Variants in ISM1 observed in about 807,000 individuals in gnomAD.
ISM1 encodes isthmin-1.
Under a neutral mutation model 46.3 loss-of-function variants are expected in ISM1, and 25 were observed. The observed-to-expected ratio is 0.54, with a 90% confidence interval of 0.39 to 0.75. The LOEUF (loss-of-function observed/expected upper bound fraction) is 0.75. Among genes scored for constraint, ISM1 ranks in the 30% least tolerant of loss-of-function variants. ISM1 has a pLI of 0.00. For missense variants in ISM1, 536 were observed against 625.4 expected (o/e 0.86, Z 1.52); for synonymous variants, 255 against 256.7 (o/e 0.99, Z 0.06).
At chr20:13,322,866 C>T in the ISM1 span, among the ~76,000 whole-genome samples, 1 of 152,168 alleles carries the variant, frequency 6.6e-6, no homozygotes, top group Non-Finnish European at 1.5e-5. Context: ...AAGCTCACAC[C>T]TCTCCCCACC....
intron 3 of ISM1, among the ~76,000 whole-genome samples, chr20:13,287,625 C>G (rs184346633): frequency 7.9e-5 from 12 of 152,152 alleles, no homozygotes; most frequent in Non-Finnish European, 1.8e-4. Context: ...TCTCTTTTCT[C>G]ACTAAAATAT....
At chr20:13,292,593 A>C (rs1212030933) in intron 5 of ISM1, 130 bp downstream of exon 5, 1 of 651,744 alleles carries the variant, frequency 1.5e-6, no homozygotes, top group Non-Finnish European at 2.7e-6. Flanking sequence ...TGCTCCCAGC[A>C]TGTGTCTTGC....
At chr20:13,276,503 G>C (rs1022684810) in intron 2 of ISM1, among the ~76,000 whole-genome samples, 5 of 152,288 alleles carry the variant, frequency 3.3e-5, no homozygotes, top group African/African-American at 9.6e-5. Flanking sequence ...CTTGGAGCTG[G>C]GGAGATTGTG....
At chr20:13,242,594 T>C (rs1397167344) in intron 1 of ISM1, among the ~76,000 whole-genome samples, 1 of 152,136 alleles carries the variant, frequency 6.6e-6, no homozygotes, top group Non-Finnish European at 1.5e-5. Context: ...GAGAGCCTGG[T>C]CTCTTGATGG....
chr20:13,304,043 G>A (rs755625352), downstream of ISM1, among the ~76,000 whole-genome samples: 1 of 152,172 alleles, frequency 6.6e-6, no homozygotes, highest in Non-Finnish European at 1.5e-5. Context: ...CACCATCAAG[G>A]TATGACTTTC....
the ISM1 span, among the ~76,000 whole-genome samples, chr20:13,308,008 T>A: frequency 6.4e-4 from 97 of 152,320 alleles, no homozygotes; most frequent in African/African-American, 2.3e-3. Context: ...TCCAAAGTGG[T>A]TGTCCTGGTG....
chr20:13,221,809 GCT>G lies in ISM1; in HGVS notation c.34_35del (p.Leu12GlyfsTer36). ...VRLAAELLLLLGLLLLTLHIT... is the reference protein window; with the variant it reads ...VRLAAELLLLXGLLLLTLHIT... Reference sequence around the variant, plus strand: ...GCCTGGCGGCCGAGCTGCTGCTGCTGCTGGGGCTGCTGCTGCTCACGCTGCAC... The same window carrying G: ...GCCTGGCGGCCGAGCTGCTGCTGCTGGGGGCTGCTGCTGCTCACGCTGCAC... On this transcript the variant is annotated frameshift_variant, in exon 1 of 6. Coordinates refer to ENST00000262487, the MANE Select transcript of ISM1 (RefSeq NM_080826.2). LOFTEE classifies it high-confidence loss of function. The G allele has an allele frequency of 6.9e-7, 1 of 1,457,384 alleles. No homozygotes were observed. The highest frequency in any genetic ancestry group is 2.5e-5 in the Admixed American group (1 of 40,302). 90.3% of individuals were successfully genotyped at this position (1,457,384 alleles called of 1,614,324 possible).
At chr20:13,280,846 T>C (rs2040231694) in intron 3 of ISM1, among the ~76,000 whole-genome samples, 1 of 152,130 alleles carries the variant, frequency 6.6e-6, no homozygotes, top group Admixed American at 6.5e-5. Context: ...TCTGGCCAGA[T>C]TTTGTGGGGA....
At chr20:13,231,337 G>A (rs937999365) in intron 1 of ISM1, among the ~76,000 whole-genome samples, 1 of 152,234 alleles carries the variant, frequency 6.6e-6, no homozygotes, top group East Asian at 1.9e-4. Context: ...GAGCAGTCAG[G>A]AAGAGGGAAA....
At chr20:13,285,566 C>T (rs1182483001) in intron 3 of ISM1, among the ~76,000 whole-genome samples, 3 of 152,170 alleles carry the variant, frequency 2.0e-5, no homozygotes. Context: ...GAAGAGTTCC[C>T]TGCAGCAAGA....
Position 13,229,660 on chromosome 20 carries a change from C to T in ISM1, c.138+7746C>T, listed in dbSNP as rs11907749. Among the ~76,000 whole-genome samples, 984 of 152,256 alleles carry T rather than the reference C, an allele frequency of 6.5e-3. 10 individuals are homozygous for T. The highest frequency in any genetic ancestry group is 0.023 in the African/African-American group (941 of 41,568). ...AAGCCTTTCTGTGGACCTATGTTTT[C>T]ATTTCTTGTGAGTAAATTTCTAGTA... On this transcript the variant is annotated intron_variant, in intron 1 of 5. Transcript: ENST00000262487.
rs557558233 is a variant in ISM1, at chr20:13,243,592, C to T, written c.138+21678C>T. Among the ~76,000 whole-genome samples, 113 of 152,228 alleles carry T rather than the reference C, an allele frequency of 7.4e-4. 2 individuals carry two copies. The highest frequency in any genetic ancestry group is 2.6e-3 in the African/African-American group (108 of 41,520). On this transcript the variant is annotated intron_variant, in intron 1 of 5. Transcript: ENST00000262487. The stretch of plus-strand genomic sequence containing the variant: ...CTCTCTTATTATAAAAGCAGTAAAA[C>T]GACCATCTGAATGCCATTGACTGCC...
At chr20:13,232,160 A>G (rs2039596344) in intron 1 of ISM1, among the ~76,000 whole-genome samples, 1 of 152,342 alleles carries the variant, frequency 6.6e-6, no homozygotes, top group African/African-American at 2.4e-5. Flanking sequence ...ATTTTTTTAA[A>G]TACAGCTTTG....
Position 13,221,660 on chromosome 20 carries a change from G to A in ISM1, c.-117G>A, listed in dbSNP as rs1170299919. The A allele has an allele frequency of 5.6e-6, 5 of 887,482 alleles. No homozygotes were observed. Among genetic ancestry groups the A allele is most frequent in the Non-Finnish European group, 7.3e-6 (5 of 689,472 alleles). The allele number at this position is 887,482 out of a possible 1,614,324, so 55.0% of individuals were successfully genotyped here. A position where few individuals can be genotyped will look rare whatever the true frequency, so the allele number is the denominator to read the frequency against. On this transcript the variant is annotated 5_prime_UTR_variant, in exon 1 of 6. Transcript: ENST00000262487. Reference sequence around the variant, plus strand: ...GGGCCCGGGAAGCGGAGCCCTGGCGGGAGCCGAGGCGGGAGCCGCGCTGCC... The same window carrying A: ...GGGCCCGGGAAGCGGAGCCCTGGCGAGAGCCGAGGCGGGAGCCGCGCTGCC...
At chr20:13,310,034 C>T in the ISM1 span, among the ~76,000 whole-genome samples, 20 of 152,102 alleles carry the variant, frequency 1.3e-4, no homozygotes, top group East Asian at 5.8e-4. Context: ...TCTACAAATT[C>T]GATGCAATCC....
the ISM1 span, among the ~76,000 whole-genome samples, chr20:13,310,499 T>C: frequency 2.0e-5 from 3 of 152,130 alleles, no homozygotes; most frequent in African/African-American, 7.2e-5. Flanking sequence ...AAAAAATGTA[T>C]TGACATTGGT....
chr20:13,269,251 T>G (rs1367989708), intron 1 of ISM1, among the ~76,000 whole-genome samples: 1 of 152,152 alleles, frequency 6.6e-6, no homozygotes, highest in East Asian at 1.9e-4. Flanking sequence ...ATGCTATCCC[T>G]GAAGGCTGGA....
At chr20:13,297,448 T>C (rs1459003838) in intron 5 of ISM1, among the ~76,000 whole-genome samples, 1 of 152,238 alleles carries the variant, frequency 6.6e-6, no homozygotes, top group African/African-American at 2.4e-5. Flanking sequence ...TGAAATCACT[T>C]CCCAAAAAAT....
chr20:13,222,248 A>G (rs1329472456), intron 1 of ISM1, among the ~76,000 whole-genome samples: 3 of 152,046 alleles, frequency 2.0e-5, no homozygotes, highest in Non-Finnish European at 4.4e-5. Flanking sequence ...TGGGGGTGCT[A>G]CCAGTCTTTC....
Sources: allele counts gnomAD v4.1 joint callset (sites outside exome capture counted in the v4.1 genomes callset), GRCh38; gene constraint gnomAD v4.1.1; transcripts MANE v1.5; gene names NCBI Gene and HGNC (gene_info 2026-07-23, HGNC 2026-07-21).